TSGA13: variants seen among roughly 807,000 people sequenced by gnomAD.
TSGA13 encodes the protein testis specific 13.
A neutral mutation model predicts 35.1 loss-of-function variants in TSGA13; 37 were observed. That is an observed-to-expected ratio of 1.05 (90% CI 0.81 to 1.39). The LOEUF (loss-of-function observed/expected upper bound fraction) is 1.39, where lower values mean the gene tolerates loss of function less well. Ranked by LOEUF, TSGA13 falls within the 40% of genes most tolerant of loss-of-function variation. TSGA13 has a pLI of 0.00. For synonymous variants in TSGA13, 124 were observed against 121.2 expected, an observed-to-expected ratio of 1.02 and a Z score of -0.15; for missense variants, 338 against 328.5, an observed-to-expected ratio of 1.03 and a Z score of -0.22.
rs1554462311 is a variant in TSGA13, at chr7:130,668,899, T to C, written c.*115A>G. 6 of 1,466,974 alleles carry C rather than the reference T, an allele frequency of 4.1e-6. No homozygotes were observed. In the Admixed American group the frequency reaches 9.0e-5, roughly 22 times the overall value. The allele number at this position is 1,466,974 out of a possible 1,614,324, so 90.9% of individuals were successfully genotyped here. On this transcript the variant is annotated 3_prime_UTR_variant, in exon 8 of 8. Coordinates refer to ENST00000356588, the MANE Select transcript of TSGA13 (RefSeq NM_052933.4). ...GAGACTTCGGCTCGACCCTCCCGGC[T>C]TGCGACCCGGGAGCCCACGCCCGCA...
chr7:130,680,523 A>G (rs1796520306), intron 4 of TSGA13, among the ~76,000 whole-genome samples: 1 of 144,966 alleles, frequency 6.9e-6, no homozygotes, highest in South Asian at 2.3e-4. Context: ...AAAAAAAAAA[A>G]GTAAAAGCAG....
intron 6 of TSGA13, 147 bp from the exon 7 acceptor site, chr7:130,671,935 A>G (rs1563078050): frequency 1.6e-6 from 1 of 606,952 alleles, no homozygotes; most frequent in South Asian, 7.5e-5. Context: ...CTGTCACCCA[A>G]GCTGGAGTGC....
intron 7 of TSGA13, among the ~76,000 whole-genome samples, chr7:130,670,913 A>G (rs1796252308): frequency 6.6e-6 from 1 of 152,182 alleles, no homozygotes; most frequent in South Asian, 2.1e-4. Flanking sequence ...GGACACGCCC[A>G]GCCTGTCAAG....
At chr7:130,685,400 A>G in intron 1 of TSGA13, 40 bp from the exon 2 acceptor site, 1 of 1,349,466 alleles carries the variant, frequency 7.4e-7, no homozygotes, top group East Asian at 2.6e-5. Context: ...GTGCTATTGT[A>G]GATGTAGAAA....
chr7:130,684,365 T>G (rs1340041469), intron 2 of TSGA13, among the ~76,000 whole-genome samples: 1 of 152,250 alleles, frequency 6.6e-6, no homozygotes, highest in Non-Finnish European at 1.5e-5. Flanking sequence ...TTCTTTGCTA[T>G]TCTTTTTAAA....
Position 130,683,678 on chromosome 7 carries a change from A to G in TSGA13, c.24-6T>C, listed in dbSNP as rs782494462. On this transcript the variant is annotated splice_region_variant and splice_polypyrimidine_tract_variant and intron_variant, in intron 2 of 7. Transcript: ENST00000356588. ...TTGATTTGCCATTTTGAAACCTGAA[A>G]AAGAGGCAGAACATCCGGTTGCACT... is the stretch of plus-strand genomic sequence containing the variant. 6.2e-7 allele frequency: 1 copy of G among 1,613,556 alleles called. No homozygotes were observed. Among genetic ancestry groups the G allele is most frequent in the East Asian group, 2.2e-5 (1 of 44,850 alleles).
At chr7:130,678,100 C>T (rs528874004) in intron 5 of TSGA13, among the ~76,000 whole-genome samples, 196 of 152,178 alleles carry the variant, frequency 1.3e-3, no homozygotes, top group African/African-American at 4.4e-3. Flanking sequence ...CTGTGTAGGC[C>T]GGGCGCGATG....
At position 130,668,701 on chromosome 7, in the gene TSGA13, C is replaced by CA; in HGVS notation, c.*312dup. The CA allele has an allele frequency of 6.6e-7, 1 of 1,518,608 alleles. No homozygotes were observed. The highest frequency in any genetic ancestry group is 8.8e-7 in the Non-Finnish European group (1 of 1,133,782). The allele number at this position is 1,518,608 out of a possible 1,614,324, so 94.1% of individuals were successfully genotyped here. ...GACTTCCCAGCGCCCAGACCCACCG[C>CA]AACCGTCCCAGGCGCCGCAGCCGGC... On this transcript the variant is annotated 3_prime_UTR_variant, in exon 8 of 8. Coordinates refer to ENST00000356588, the MANE Select transcript of TSGA13 (RefSeq NM_052933.4).
intron 7 of TSGA13, among the ~76,000 whole-genome samples, chr7:130,670,697 G>C (rs1796246166): frequency 6.6e-6 from 1 of 152,124 alleles, no homozygotes; most frequent in African/African-American, 2.4e-5. Flanking sequence ...ACAGCTAACT[G>C]CAACCTTGAA....
chr7:130,679,626 T>G (rs1795946603), intron 4 of TSGA13, among the ~76,000 whole-genome samples: 1 of 152,140 alleles, frequency 6.6e-6, no homozygotes, highest in Non-Finnish European at 1.5e-5. Context: ...TCTCCCACCT[T>G]GGCCTCCTAA....
At chr7:130,683,790 T>G in intron 2 of TSGA13, 118 bp from the exon 3 acceptor site, 1 of 800,114 alleles carries the variant, frequency 1.2e-6, no homozygotes, top group Non-Finnish European at 2.0e-6. Flanking sequence ...CCAATTTAGG[T>G]GATCACATCA....
At chr7:130,675,030 A>C (rs1227924268) in intron 5 of TSGA13, among the ~76,000 whole-genome samples, 1 of 152,098 alleles carries the variant, frequency 6.6e-6, no homozygotes, top group Non-Finnish European at 1.5e-5. Flanking sequence ...CCATAAGCAA[A>C]ACCCTAGGAG....
chr7:130,681,593 T>A (rs1796547767), intron 3 of TSGA13, among the ~76,000 whole-genome samples: 1 of 152,170 alleles, frequency 6.6e-6, no homozygotes, highest in East Asian at 1.9e-4. Context: ...CTTCCAGAAA[T>A]GTTGCAAAAA....
chr7:130,670,729 C>T (rs1194864100), intron 7 of TSGA13, among the ~76,000 whole-genome samples: 1 of 152,138 alleles, frequency 6.6e-6, no homozygotes, highest in East Asian at 1.9e-4. Flanking sequence ...AAGCAATCCT[C>T]CTTCCTCAAG....
At chr7:130,673,518 C>A (rs1272464032) in intron 5 of TSGA13, among the ~76,000 whole-genome samples, 1 of 152,070 alleles carries the variant, frequency 6.6e-6, no homozygotes, top group African/African-American at 2.4e-5. Flanking sequence ...TAACTTTTAC[C>A]CTATAGTCCA....
intron 5 of TSGA13, among the ~76,000 whole-genome samples, chr7:130,673,664 T>C (rs1374751223): frequency 6.6e-6 from 1 of 152,206 alleles, no homozygotes; most frequent in African/African-American, 2.4e-5. Flanking sequence ...GACATGGCAT[T>C]GGGTTCCTTT....
chr7:130,680,195 C>T (rs1161621092), intron 4 of TSGA13, among the ~76,000 whole-genome samples: 1 of 152,160 alleles, frequency 6.6e-6, no homozygotes, highest in African/African-American at 2.4e-5. Context: ...GACATGCACT[C>T]ACAAGCACAA....
chr7:130,685,454 T>C, intron 1 of TSGA13, 94 bp from the exon 2 acceptor site: 1 of 1,198,296 alleles, frequency 8.3e-7, no homozygotes, highest in Non-Finnish European at 1.1e-6. Flanking sequence ...GTTAAATTTA[T>C]TTCACAAACG....
At chr7:130,675,398 G>A (rs1554464011) in intron 5 of TSGA13, among the ~76,000 whole-genome samples, 1 of 138,810 alleles carries the variant, frequency 7.2e-6, no homozygotes, top group African/African-American at 2.6e-5. Context: ...GGTGGGGTGG[G>A]GAGGGGATGG....
Sources: gnomAD v4.1 joint callset for allele counts (sites outside exome capture counted in the v4.1 genomes callset) on GRCh38, gnomAD v4.1.1 for gene constraint, MANE v1.5 for transcripts, NCBI Gene and HGNC (gene_info 2026-07-23, HGNC 2026-07-21) for gene names.